SCAF8: variants seen among roughly 807,000 people sequenced by gnomAD.
The protein encoded by SCAF8 is SR-related and CTD-associated factor 8.
Under a neutral mutation model 140.5 loss-of-function variants are expected in SCAF8, and 23 were observed. The ratio of observed to expected loss-of-function variants is 0.16; its 90% CI spans 0.12 to 0.23. SCAF8 has a LOEUF of 0.23. Ranked by LOEUF, SCAF8 falls within the 10% of genes least tolerant of loss-of-function variation. The pLI is 1.00. For missense variants in SCAF8, 1,397 were observed against 1,555.7 expected (o/e 0.90, Z 1.72); for synonymous variants, 575 against 528.9 (o/e 1.09, Z -1.20).
At chr6:154,756,333 T>C (rs1583006434) in intron 1 of SCAF8, among the ~76,000 whole-genome samples, 1 of 152,238 alleles carries the variant, frequency 6.6e-6, no homozygotes, top group African/African-American at 2.4e-5. Context: ...TATTGAATTG[T>C]CAAAAATCTC....
At chr6:154,806,895 AG>A (rs1193930648) in intron 9 of SCAF8, among the ~76,000 whole-genome samples, 1 of 152,234 alleles carries the variant, frequency 6.6e-6, no homozygotes, top group Non-Finnish European at 1.5e-5. Context: ...TGTTGTTTAA[AG>A]AAAAAACAAA....
At chr6:154,805,272 T>C (rs1777880322) in intron 8 of SCAF8, 97 bp from the exon 9 acceptor site, 2 of 658,982 alleles carry the variant, frequency 3.0e-6, no homozygotes, top group Non-Finnish European at 5.4e-6. Flanking sequence ...GAATATGTTT[T>C]ATTGAATTGA....
intron 5 of SCAF8, 30 bp downstream of exon 5, chr6:154,793,006 T>C: frequency 1.2e-5 from 19 of 1,553,606 alleles, no homozygotes; most frequent in Non-Finnish European, 1.4e-5. Flanking sequence ...ATTTGTTGTC[T>C]AAATATTCTA....
chr6:154,740,197 C>T (rs1026324594), intron 1 of SCAF8, among the ~76,000 whole-genome samples: 4 of 152,084 alleles, frequency 2.6e-5, no homozygotes, highest in Admixed American at 2.0e-4. Flanking sequence ...TATGAGAACC[C>T]AAGAGCTAAG....
intron 12 of SCAF8, among the ~76,000 whole-genome samples, chr6:154,812,262 TAGC>T (rs1176382143): frequency 7.1e-6 from 1 of 140,834 alleles, no homozygotes; most frequent in African/African-American, 2.6e-5. Context: ...ATTTTTCCAA[TAGC>T]AGGTGCCTAC....
intron 1 of SCAF8, among the ~76,000 whole-genome samples, chr6:154,743,770 G>A (rs889470717): frequency 2.0e-5 from 3 of 152,264 alleles, no homozygotes; most frequent in African/African-American, 7.2e-5. Flanking sequence ...ATAGACATAA[G>A]TGTTTGAGTT....
intron 2 of SCAF8, among the ~76,000 whole-genome samples, chr6:154,775,992 G>A (rs747629010): frequency 1.6e-4 from 24 of 152,074 alleles, no homozygotes; most frequent in Non-Finnish European, 2.9e-4. Flanking sequence ...ACTTGAATTT[G>A]AAACTCCTGA....
rs185674124 is a variant in SCAF8, at chr6:154,753,954, C to T, written c.30+20024C>T. Reference sequence around the variant, plus strand: ...CTGGGCTCAAGTGATCCTCCCTCCTCGGCCTCCCAAAGTGTTGGAATTATA... The same window carrying T: ...CTGGGCTCAAGTGATCCTCCCTCCTTGGCCTCCCAAAGTGTTGGAATTATA... On this transcript the variant is annotated intron_variant, in intron 1 of 19. Coordinates refer to ENST00000367178, the MANE Select transcript of SCAF8 (RefSeq NM_014892.5). Among the ~76,000 whole-genome samples the T allele has an allele frequency of 5.4e-4, 82 of 152,294 alleles. 1 individual carries two copies. The East Asian group carries it at 0.011, about 20-fold the overall frequency.
At chr6:154,795,194 T>C (rs1777565629) in intron 6 of SCAF8, 55 bp downstream of exon 6, 1 of 1,458,262 alleles carries the variant, frequency 6.9e-7, no homozygotes, top group South Asian at 1.3e-5. Flanking sequence ...ATTTTCCTAA[T>C]GTATTACTTT....
At chr6:154,740,750 C>G (rs751130824) in intron 1 of SCAF8, among the ~76,000 whole-genome samples, 81 of 151,830 alleles carry the variant, frequency 5.3e-4, no homozygotes, top group Non-Finnish European at 1.0e-3. Context: ...TCCTGAGTAG[C>G]TGGAACCACA....
intron 4 of SCAF8, among the ~76,000 whole-genome samples, chr6:154,790,490 T>TTTTA: frequency 3.0e-4 from 1 of 3,356 alleles, no homozygotes; most frequent in Non-Finnish European, 4.6e-4. Context: ...TTTAACAGAA[T>TTTTA]TTTTTTTTTT....
chr6:154,806,658 G>A (rs1011899419), intron 9 of SCAF8, among the ~76,000 whole-genome samples: 3 of 152,152 alleles, frequency 2.0e-5, no homozygotes, highest in Admixed American at 2.0e-4. Flanking sequence ...AGACATTGGG[G>A]TCTGAACTTG....
At chr6:154,768,722 A>C (rs1048055849) in intron 1 of SCAF8, among the ~76,000 whole-genome samples, 1 of 152,160 alleles carries the variant, frequency 6.6e-6, no homozygotes, top group African/African-American at 2.4e-5. Flanking sequence ...GTGTTTTTAA[A>C]TTGTCAAAAA....
At chr6:154,759,411 T>C (rs1423970286) in intron 1 of SCAF8, among the ~76,000 whole-genome samples, 3 of 152,192 alleles carry the variant, frequency 2.0e-5, no homozygotes, top group Non-Finnish European at 4.4e-5. Context: ...GTTTCAAAAA[T>C]AGATCTCTTC....
At chr6:154,794,959 A>T (rs757243150) in intron 5 of SCAF8, 50 bp from the exon 6 acceptor site, 8 of 1,497,150 alleles carry the variant, frequency 5.3e-6, no homozygotes, top group Non-Finnish European at 7.2e-6. Context: ...TTCTAGTCTT[A>T]GTTACTTACT....
chr6:154,784,884 A>G (rs936222536), intron 3 of SCAF8, among the ~76,000 whole-genome samples: 4 of 152,174 alleles, frequency 2.6e-5, no homozygotes, highest in African/African-American at 9.7e-5. Flanking sequence ...AAATTTTTAT[A>G]AAGAGAAGAC....
chr6:154,733,691 C>T lies in SCAF8; in HGVS notation c.-210C>T. 3.8e-6 allele frequency: 5 copies of T among 1,312,394 alleles called. No individual in the cohort carries two copies. In the South Asian group the frequency reaches 6.5e-5, roughly 17 times the overall value. 81.3% of individuals were successfully genotyped at this position (1,312,394 alleles called of 1,614,324 possible). A position where few individuals can be genotyped will look rare whatever the true frequency, so the allele number is the denominator to read the frequency against. ...TCCCTAGAACGGCGCTCCCCCCGCC[C>T]TAGCGGCCATGCCGGTGCCGCTCTG... On this transcript the variant is annotated 5_prime_UTR_variant, in exon 1 of 20. Transcript: ENST00000367178.
At chr6:154,754,750 A>T (rs1337979349) in intron 1 of SCAF8, among the ~76,000 whole-genome samples, 1 of 152,084 alleles carries the variant, frequency 6.6e-6, no homozygotes, top group Non-Finnish European at 1.5e-5. Flanking sequence ...CTCTTCTTCT[A>T]CTTATTCTCC....
intron 1 of SCAF8, among the ~76,000 whole-genome samples, chr6:154,749,821 T>C (rs1470530794): frequency 1.3e-5 from 2 of 152,102 alleles, no homozygotes; most frequent in African/African-American, 4.8e-5. Context: ...TTAAATTTGT[T>C]TTAGAAAAAT....
Sources: gnomAD v4.1 joint callset for allele counts (sites outside exome capture counted in the v4.1 genomes callset) on GRCh38, gnomAD v4.1.1 for gene constraint, MANE v1.5 for transcripts, NCBI Gene and HGNC (gene_info 2026-07-23, HGNC 2026-07-21) for gene names.